The following GABRB3 variants were observed in gnomAD, a reference collection of about 807,000 sequenced individuals.
The protein encoded by GABRB3 is gamma-aminobutyric acid type A receptor subunit beta3.
In GABRB3, 14 loss-of-function variants were observed where a neutral mutation model predicts 52.1. The ratio of observed to expected loss-of-function variants is 0.27; its 90% CI spans 0.18 to 0.42. GABRB3 has a LOEUF of 0.42. GABRB3 is among the 10% of genes least tolerant of loss of function. The probability of loss-of-function intolerance (pLI) is 1.00; values close to 1 mark genes in which losing one functional copy is unlikely to be tolerated. For synonymous variants in GABRB3, 260 were observed against 232.3 expected, an observed-to-expected ratio of 1.12 and a Z score of -1.08; for missense variants, 307 against 609.1, an observed-to-expected ratio of 0.50 and a Z score of 5.22.
chr15:26,628,601 G>A (rs1892798547), intron 3 of GABRB3, among the ~76,000 whole-genome samples: 1 of 152,156 alleles, frequency 6.6e-6, no homozygotes, highest in Admixed American at 6.5e-5. Flanking sequence ...TGCCCCTGGA[G>A]GGCCAGTCTT....
At chr15:26,713,700 C>T (rs1432377071) in intron 3 of GABRB3, among the ~76,000 whole-genome samples, 1 of 152,164 alleles carries the variant, frequency 6.6e-6, no homozygotes, top group African/African-American at 2.4e-5. Context: ...CATAAGATGT[C>T]GTGGGTGGGA....
At chr15:26,596,444 A>G (rs1287771258) in intron 4 of GABRB3, among the ~76,000 whole-genome samples, 1 of 152,168 alleles carries the variant, frequency 6.6e-6, no homozygotes, top group African/African-American at 2.4e-5. Flanking sequence ...CTAGAGACCC[A>G]TTAAGTATTG....
At chr15:26,683,871 T>C (rs1888318561) in intron 3 of GABRB3, among the ~76,000 whole-genome samples, 1 of 152,094 alleles carries the variant, frequency 6.6e-6, no homozygotes, top group African/African-American at 2.4e-5. Flanking sequence ...ACTGGAGACC[T>C]CTCTAGGGAG....
intron 3 of GABRB3, among the ~76,000 whole-genome samples, chr15:26,730,113 A>G (rs1239276952): frequency 6.6e-6 from 1 of 152,232 alleles, no homozygotes; most frequent in Non-Finnish European, 1.5e-5. Flanking sequence ...CTGGCTTTCA[A>G]ATATTCTAAA....
intron 3 of GABRB3, among the ~76,000 whole-genome samples, chr15:26,714,623 G>A (rs1311876483): frequency 1.3e-5 from 2 of 152,172 alleles, no homozygotes; most frequent in African/African-American, 4.8e-5. Flanking sequence ...TCCAAAGGAG[G>A]CAAACAGATA....
At chr15:26,766,034 T>C (rs1052743601) in intron 3 of GABRB3, among the ~76,000 whole-genome samples, 14 of 152,196 alleles carry the variant, frequency 9.2e-5, no homozygotes, top group Non-Finnish European at 1.9e-4. Context: ...ATTACCTACC[T>C]CACCAGCTGA....
chr15:26,645,658 G>A (rs1893328359), intron 3 of GABRB3, among the ~76,000 whole-genome samples: 1 of 152,126 alleles, frequency 6.6e-6, no homozygotes, highest in African/African-American at 2.4e-5. Context: ...GTCTGTGGAT[G>A]GCTTGCTTGG....
At chr15:26,583,848 CA>C (rs1456972056) in intron 4 of GABRB3, among the ~76,000 whole-genome samples, 2 of 149,562 alleles carry the variant, frequency 1.3e-5, no homozygotes. Context: ...GATCTCAGAT[CA>C]CTGCAAGCTC....
chr15:26,682,720 C>G (rs536480882), intron 3 of GABRB3, among the ~76,000 whole-genome samples: 70 of 152,328 alleles, frequency 4.6e-4, no homozygotes, highest in Middle Eastern at 6.8e-3. Context: ...CTCCCTCATG[C>G]CTGGAGGCCC....
At chr15:26,593,507 G>A (rs1447799256) in intron 4 of GABRB3, among the ~76,000 whole-genome samples, 4 of 152,048 alleles carry the variant, frequency 2.6e-5, no homozygotes, top group African/African-American at 9.7e-5. Flanking sequence ...TTCACATACT[G>A]TCTCTATGAA....
chr15:26,610,755 T>C (rs1027153325), intron 4 of GABRB3, among the ~76,000 whole-genome samples: 3 of 152,204 alleles, frequency 2.0e-5, no homozygotes, highest in African/African-American at 7.2e-5. Context: ...ATTTTAAGCA[T>C]GTAAACCTGT....
intron 3 of GABRB3, among the ~76,000 whole-genome samples, chr15:26,642,925 T>C (rs1276894420): frequency 1.3e-5 from 2 of 152,066 alleles, no homozygotes; most frequent in Non-Finnish European, 2.9e-5. Context: ...ACTACACCGG[T>C]ATTGCCAGTC....
chr15:26,656,295 C>T (rs1887371287), intron 3 of GABRB3, among the ~76,000 whole-genome samples: 2 of 152,152 alleles, frequency 1.3e-5, no homozygotes, highest in African/African-American at 4.8e-5. Flanking sequence ...TGACTCAGTG[C>T]AAGGCAAACT....
chr15:26,554,160 AG>A (rs1258564371), intron 8 of GABRB3, among the ~76,000 whole-genome samples: 10 of 20,804 alleles, frequency 4.8e-4, no homozygotes, highest in African/African-American at 1.7e-3. Flanking sequence ...ATATATATAA[AG>A]TATATATATA....
intron 6 of GABRB3, among the ~76,000 whole-genome samples, chr15:26,572,444 C>T (rs991242131): frequency 1.3e-5 from 2 of 152,158 alleles, no homozygotes; most frequent in Non-Finnish European, 2.9e-5. Flanking sequence ...CAAGATGCCA[C>T]GAGACAGAGA....
intron 3 of GABRB3, among the ~76,000 whole-genome samples, chr15:26,673,191 AAAGTTGCAATTGT>A (rs1257776636): frequency 1.3e-5 from 2 of 152,142 alleles, no homozygotes; most frequent in Admixed American, 6.5e-5. Flanking sequence ...CTGCTAGAAA[AAAGTTGCAATTGT>A]AACTTCCTTC....
At chr15:26,632,143 C>T (rs1007917323) in intron 3 of GABRB3, among the ~76,000 whole-genome samples, 3 of 152,208 alleles carry the variant, frequency 2.0e-5, no homozygotes, top group Admixed American at 6.5e-5. Context: ...CTGCCTGCCA[C>T]GCATTCTGAA....
intron 3 of GABRB3, among the ~76,000 whole-genome samples, chr15:26,766,206 T>C (rs1890992364): frequency 6.6e-6 from 1 of 152,240 alleles, no homozygotes. Flanking sequence ...TTCCAAATGT[T>C]TGGTAGTCAT....
intron 3 of GABRB3, among the ~76,000 whole-genome samples, chr15:26,750,368 G>A (rs539629818): frequency 1.7e-4 from 26 of 152,240 alleles, no homozygotes; most frequent in Middle Eastern, 6.8e-3. Context: ...CTGCCCTTCC[G>A]TTGCTTTTTA....
Sources: gnomAD v4.1 joint callset for allele counts (sites outside exome capture counted in the v4.1 genomes callset) on GRCh38, gnomAD v4.1.1 for gene constraint, MANE v1.5 for transcripts, NCBI Gene and HGNC (gene_info 2026-07-23, HGNC 2026-07-21) for gene names.